The following EVL variants were observed in gnomAD, a reference collection of about 807,000 sequenced individuals.
The protein encoded by EVL is Enah/Vasp-like.
In EVL, 21 loss-of-function variants were observed where a neutral mutation model predicts 59.6. The ratio of observed to expected loss-of-function variants is 0.35; its 90% CI spans 0.25 to 0.51. The LOEUF is 0.51. Among genes scored for constraint, EVL ranks in the 20% least tolerant of loss-of-function variants. The probability of loss-of-function intolerance (pLI) is 0.97; values close to 1 mark genes in which losing one functional copy is unlikely to be tolerated. For synonymous variants in EVL, 198 were observed against 203.5 expected, an observed-to-expected ratio of 0.97 and a Z score of 0.23; for missense variants, 462 against 546.6, an observed-to-expected ratio of 0.85 and a Z score of 1.54.
At chr14:99,974,409 C>T (rs759269632) in intron 1 of EVL, 1 of 152,524 alleles carries the variant, frequency 6.6e-6, no homozygotes, top group African/African-American at 2.4e-5. Context: ...AATAGGTAGA[C>T]TTGGTGAATA....
intron 5 of EVL, 79 bp from the exon 6 acceptor site, chr14:100,128,440 G>A (rs976989699): frequency 2.2e-5 from 32 of 1,462,982 alleles, no homozygotes; most frequent in Middle Eastern, 4.8e-4. Flanking sequence ...TCCTTCCTCC[G>A]GGGAACCTGA....
At chr14:99,991,035 T>C (rs970149736) in intron 1 of EVL, among the ~76,000 whole-genome samples, 1 of 151,820 alleles carries the variant, frequency 6.6e-6, no homozygotes, top group Non-Finnish European at 1.5e-5. Flanking sequence ...GTTGGAAAAA[T>C]TTTTTGGAGA....
chr14:100,029,550 C>T (rs967007182), intron 1 of EVL, among the ~76,000 whole-genome samples: 2 of 152,130 alleles, frequency 1.3e-5, no homozygotes, highest in Admixed American at 6.6e-5. Flanking sequence ...AAAGATAATA[C>T]TAACATAGGA....
intron 8 of EVL, chr14:100,134,658 A>G (rs1225057499): frequency 6.6e-6 from 1 of 152,260 alleles, no homozygotes; most frequent in African/African-American, 2.4e-5. Context: ...TGCAGTGAAC[A>G]TGCACTAAGT....
At chr14:100,023,935 C>T (rs1208206367) in intron 1 of EVL, among the ~76,000 whole-genome samples, 3 of 152,144 alleles carry the variant, frequency 2.0e-5, no homozygotes, top group Non-Finnish European at 4.4e-5. Context: ...TTCCTTACCA[C>T]CCCAGAATGA....
intron 1 of EVL, among the ~76,000 whole-genome samples, chr14:100,010,815 T>C (rs1370540628): frequency 6.6e-6 from 1 of 152,194 alleles, no homozygotes; most frequent in African/African-American, 2.4e-5. Flanking sequence ...GAAATTACGG[T>C]TAATTATGGC....
chr14:100,012,079 T>C (rs2061020059), intron 1 of EVL, among the ~76,000 whole-genome samples: 1 of 152,146 alleles, frequency 6.6e-6, no homozygotes, highest in Non-Finnish European at 1.5e-5. Context: ...CTATTCACTC[T>C]CCAGGTACAT....
At chr14:100,117,349 C>T (rs2140356914) in intron 3 of EVL, among the ~76,000 whole-genome samples, 1 of 152,106 alleles carries the variant, frequency 6.6e-6, no homozygotes, top group Admixed American at 6.5e-5. Flanking sequence ...CACTCCTGCC[C>T]AAGAAGGGGC....
chr14:100,018,887 T>A (rs895074051), intron 1 of EVL, among the ~76,000 whole-genome samples: 9 of 152,224 alleles, frequency 5.9e-5, no homozygotes, highest in Non-Finnish European at 1.3e-4. Flanking sequence ...GCATCTCGTT[T>A]CCTCCTTCTT....
intron 13 of EVL, among the ~76,000 whole-genome samples, chr14:100,142,574 G>A (rs879555842): frequency 5.9e-5 from 9 of 152,184 alleles, no homozygotes; most frequent in Non-Finnish European, 1.0e-4. Context: ...CACAGTGACC[G>A]GGGCAAAAGG....
intron 1 of EVL, among the ~76,000 whole-genome samples, chr14:100,050,542 G>T (rs1052032413): frequency 1.2e-4 from 18 of 151,618 alleles, no homozygotes; most frequent in Non-Finnish European, 7.4e-5. Flanking sequence ...GTAGAGACGG[G>T]GTTTCACCGT....
intron 1 of EVL, among the ~76,000 whole-genome samples, chr14:100,075,420 T>C (rs1286261484): frequency 6.6e-6 from 1 of 152,248 alleles, no homozygotes; most frequent in African/African-American, 2.4e-5. Flanking sequence ...GTTGCTTGTA[T>C]GTTGAAGGTA....
chr14:100,103,621 C>T (rs879861287), intron 3 of EVL, among the ~76,000 whole-genome samples: 1 of 152,130 alleles, frequency 6.6e-6, no homozygotes, highest in Admixed American at 6.5e-5. Flanking sequence ...CCCCCCATGC[C>T]CACCCCAGGT....
intron 1 of EVL, among the ~76,000 whole-genome samples, chr14:100,066,813 C>T (rs999947334): frequency 6.6e-6 from 1 of 152,126 alleles, no homozygotes; most frequent in African/African-American, 2.4e-5. Context: ...TAGAAATTTC[C>T]ATCTTGAAAA....
chr14:100,097,408 C>T, intron 2 of EVL, 73 bp from the exon 3 acceptor site: 1 of 1,370,576 alleles, frequency 7.3e-7, no homozygotes, highest in Non-Finnish European at 1.0e-6. Context: ...AGTATACTTG[C>T]TCCATCGCAG....
chr14:100,095,962 A>AGG (rs200923026), intron 2 of EVL, among the ~76,000 whole-genome samples: 4,577 of 152,306 alleles, frequency 0.03, 111 homozygotes, highest in Non-Finnish European at 0.047. Flanking sequence ...TTCTGACCTC[A>AGG]GGTGATCCGC....
chr14:100,042,815 C>T (rs975097764), intron 1 of EVL, among the ~76,000 whole-genome samples: 1 of 152,158 alleles, frequency 6.6e-6, no homozygotes, highest in African/African-American at 2.4e-5. Flanking sequence ...TCCGGGAATG[C>T]CTCTGAGATT....
chr14:100,010,890 T>C (rs2061012871), intron 1 of EVL, among the ~76,000 whole-genome samples: 1 of 152,228 alleles, frequency 6.6e-6, no homozygotes, highest in Non-Finnish European at 1.5e-5. Flanking sequence ...TGTTCCGTTT[T>C]TCATCTTTAG....
Position 100,143,696 on chromosome 14 carries a change from C to T in EVL, c.1220-5C>T, listed in dbSNP as rs764538487. On this transcript the variant is annotated splice_polypyrimidine_tract_variant and splice_region_variant and intron_variant, in intron 13 of 13. Transcript: ENST00000392920. The stretch of plus-strand genomic sequence containing the variant: ...GCACCTGAGCCGCCGCCACCTGTCC[C>T]GCAGCCATCAGGCAGGAGCTGAGTG... 32 of 1,611,972 alleles carry T rather than the reference C, an allele frequency of 2.0e-5. No homozygotes were observed. Among genetic ancestry groups the T allele is most frequent in the Middle Eastern group, 1.6e-4 (1 of 6,070 alleles).
Sources: gnomAD v4.1 joint callset for allele counts (sites outside exome capture counted in the v4.1 genomes callset) on GRCh38, gnomAD v4.1.1 for gene constraint, MANE v1.5 for transcripts, NCBI Gene and HGNC (gene_info 2026-07-23, HGNC 2026-07-21) for gene names.